Variants in PREX2 observed in about 807,000 individuals in gnomAD.
PREX2 encodes the protein phosphatidylinositol 3,4,5-trisphosphate-dependent Rac exchanger 2 protein.
PREX2 carries 107 observed loss-of-function variants against 203.2 expected under a neutral mutation model. That is an observed-to-expected ratio of 0.53 (90% CI 0.45 to 0.62). The LOEUF (loss-of-function observed/expected upper bound fraction) is 0.62, where lower values mean the gene tolerates loss of function less well. Among genes scored for constraint, PREX2 ranks in the 20% least tolerant of loss-of-function variants. PREX2 has a pLI of 0.00. For missense variants in PREX2, 1,777 were observed against 1,955.9 expected (o/e 0.91, Z 1.72); for synonymous variants, 672 against 663.6 (o/e 1.01, Z -0.19).
intron 23 of PREX2, among the ~76,000 whole-genome samples, chr8:68,101,207 C>T (rs1810254769): frequency 6.6e-6 from 1 of 151,944 alleles, no homozygotes. Context: ...TAAAATAAGC[C>T]CATATATGTC....
In PREX2 at chr8:68,022,081, A is replaced by G; in HGVS notation, c.382A>G (p.Lys128Glu). The G allele has an allele frequency of 6.3e-7, 1 of 1,577,370 alleles. No individual in the cohort carries two copies. The highest frequency in any genetic ancestry group is 8.7e-7 in the Non-Finnish European group (1 of 1,146,866). ...TGATGAATATTGTAGTAACCATGAGAAGGCACAAAAATTACTTCTTGAACT... is the reference window on the plus strand; with the variant it reads ...TGATGAATATTGTAGTAACCATGAGGAGGCACAAAAATTACTTCTTGAACT... ...IYDEYCSNHE[K>E]AQKLLLELNK... Residue 128 changes from lysine to glutamate, a missense_variant, in exon 4 of 40, where the codon AAG (lysine) becomes GAG (glutamate). Transcript: ENST00000288368.
chr8:68,040,945 A>G (rs540048510), intron 7 of PREX2, among the ~76,000 whole-genome samples: 1 of 152,192 alleles, frequency 6.6e-6, no homozygotes, highest in Non-Finnish European at 1.5e-5. Flanking sequence ...TTAAAGCATG[A>G]ATATACTTTT....
intron 23 of PREX2, among the ~76,000 whole-genome samples, chr8:68,101,800 C>G (rs930130263): frequency 6.6e-6 from 1 of 152,120 alleles, no homozygotes; most frequent in Non-Finnish European, 1.5e-5. Flanking sequence ...TGCTTTCTTC[C>G]TGCTTTCCTC....
intron 1 of PREX2, among the ~76,000 whole-genome samples, chr8:68,010,677 C>T (rs1239674599): frequency 6.6e-6 from 1 of 152,174 alleles, no homozygotes; most frequent in Non-Finnish European, 1.5e-5. Context: ...TTAAAAGCAG[C>T]TGGCCTCTCA....
At chr8:68,192,738 T>C (rs1812323470) in intron 37 of PREX2, 2 of 414,010 alleles carry the variant, frequency 4.8e-6, no homozygotes, top group Non-Finnish European at 4.3e-6. Context: ...GTTTATATCA[T>C]TGTGGCCCAA....
chr8:68,107,319 A>C (rs887584368), intron 23 of PREX2, among the ~76,000 whole-genome samples: 5 of 152,086 alleles, frequency 3.3e-5, no homozygotes, highest in African/African-American at 1.2e-4. Context: ...GGCCAGAAGG[A>C]GCTTAGGGAG....
intron 31 of PREX2, among the ~76,000 whole-genome samples, chr8:68,132,795 G>T (rs1159192644): frequency 6.6e-6 from 1 of 152,046 alleles, no homozygotes; most frequent in Non-Finnish European, 1.5e-5. Context: ...TTTTCCCTTT[G>T]TTGTTTCCAC....
At chr8:68,183,225 G>T (rs775137954) in intron 35 of PREX2, among the ~76,000 whole-genome samples, 14 of 152,082 alleles carry the variant, frequency 9.2e-5, no homozygotes, top group Non-Finnish European at 1.8e-4. Context: ...GGTATACAGA[G>T]AAAGGACATG....
chr8:68,180,988 G>A (rs1199530864), intron 35 of PREX2, among the ~76,000 whole-genome samples: 1 of 152,056 alleles, frequency 6.6e-6, no homozygotes, highest in African/African-American at 2.4e-5. Context: ...TCTTTGCAGG[G>A]AAGATTCAAT....
intron 11 of PREX2, among the ~76,000 whole-genome samples, chr8:68,064,538 TG>T (rs1332215215): frequency 4.0e-5 from 3 of 75,076 alleles, no homozygotes; most frequent in African/African-American, 1.4e-4. Context: ...CCAGCTAATT[TG>T]TTTTTTTTTT....
chr8:68,063,222 C>A (rs1808910579), intron 11 of PREX2, among the ~76,000 whole-genome samples: 1 of 152,078 alleles, frequency 6.6e-6, no homozygotes. Context: ...CTTATATTGA[C>A]CAGGGAACTG....
At chr8:68,159,955 C>T (rs985331518) in intron 35 of PREX2, among the ~76,000 whole-genome samples, 1 of 151,656 alleles carries the variant, frequency 6.6e-6, no homozygotes, top group Non-Finnish European at 1.5e-5. Flanking sequence ...GTAAATGGCT[C>T]ACAAAGAAAA....
In PREX2 at chr8:68,102,238, C is replaced by T. The variant is rs116900340; in HGVS notation, c.2715+2395C>T. Among the ~76,000 whole-genome samples, 100 of 152,212 alleles carry T rather than the reference C, an allele frequency of 6.6e-4. 1 individual carries two copies. In the East Asian group the frequency reaches 0.017, roughly 25 times the overall value. On this transcript the variant is annotated intron_variant, in intron 23 of 39. Coordinates refer to ENST00000288368, the MANE Select transcript of PREX2 (RefSeq NM_024870.4). The stretch of plus-strand genomic sequence containing the variant: ...GAGATTAAGAATTTGCTTAAGGTCA[C>T]GTAGGTGGCAACTAACAGACTAGGT...
At chr8:68,016,702 A>G (rs1479490201) in intron 1 of PREX2, among the ~76,000 whole-genome samples, 1 of 152,116 alleles carries the variant, frequency 6.6e-6, no homozygotes, top group Non-Finnish European at 1.5e-5. Context: ...CTGCAGCCTC[A>G]AACTTCTGGG....
At chr8:68,007,759 G>A (rs2129609898) in intron 1 of PREX2, among the ~76,000 whole-genome samples, 1 of 152,084 alleles carries the variant, frequency 6.6e-6, no homozygotes, top group East Asian at 1.9e-4. Context: ...ACAGGTGCCC[G>A]CCACCACGCC....
At chr8:68,207,056 G>A (rs1812639277) in intron 37 of PREX2, among the ~76,000 whole-genome samples, 1 of 152,026 alleles carries the variant, frequency 6.6e-6, no homozygotes, top group African/African-American at 2.4e-5. Flanking sequence ...TCTGGCTTAG[G>A]AAAATATCGA....
intron 14 of PREX2, among the ~76,000 whole-genome samples, chr8:68,076,894 C>G (rs904367302): frequency 7.4e-4 from 113 of 151,866 alleles, no homozygotes; most frequent in Non-Finnish European, 3.7e-4. Flanking sequence ...GCTAGCTCAG[C>G]CAAACGATTT....
At chr8:68,057,485 C>G (rs1286714499) in intron 10 of PREX2, among the ~76,000 whole-genome samples, 7 of 152,216 alleles carry the variant, frequency 4.6e-5, no homozygotes, top group Non-Finnish European at 8.8e-5. Flanking sequence ...AGAGCAGCAT[C>G]TGGCTTTCTT....
intron 18 of PREX2, among the ~76,000 whole-genome samples, chr8:68,083,949 T>A (rs923493585): frequency 1.3e-5 from 2 of 152,202 alleles, no homozygotes; most frequent in African/African-American, 2.4e-5. Flanking sequence ...AGGGAGACTT[T>A]TTTTCTTGCA....
Sources: gnomAD v4.1 joint callset for allele counts (sites outside exome capture counted in the v4.1 genomes callset) on GRCh38, gnomAD v4.1.1 for gene constraint, MANE v1.5 for transcripts, NCBI Gene and HGNC (gene_info 2026-07-23, HGNC 2026-07-21) for gene names.